DDX1: variants seen among roughly 807,000 people sequenced by gnomAD.
DDX1 encodes the protein DEAD-box helicase 1.
DDX1 carries 28 observed loss-of-function variants against 108.7 expected under a neutral mutation model. That is an observed-to-expected ratio of 0.26 (90% CI 0.19 to 0.35). DDX1 has a LOEUF of 0.35. Ranked by LOEUF, DDX1 falls within the 10% of genes least tolerant of loss-of-function variation. The probability of loss-of-function intolerance (pLI) is 1.00; values close to 1 mark genes in which losing one functional copy is unlikely to be tolerated. For synonymous variants in DDX1, 295 were observed against 288.9 expected, an observed-to-expected ratio of 1.02 and a Z score of -0.21; for missense variants, 710 against 884.5, an observed-to-expected ratio of 0.80 and a Z score of 2.50.
intron 6 of DDX1, 68 bp from the exon 7 acceptor site, chr2:15,602,480 G>A (rs1015632634): frequency 6.4e-6 from 7 of 1,095,226 alleles, no homozygotes; most frequent in Admixed American, 5.4e-5. Flanking sequence ...TTGGTGGTAG[G>A]GGGTGGGAAT....
At chr2:15,612,673 T>C (rs1665795770) in intron 13 of DDX1, among the ~76,000 whole-genome samples, 1 of 151,934 alleles carries the variant, frequency 6.6e-6, no homozygotes, top group Non-Finnish European at 1.5e-5. Flanking sequence ...AGGTGGAGGT[T>C]GTAGCGAGCC....
In DDX1 at chr2:15,591,899, A is replaced by AGCGAGCAG; in HGVS notation, c.-30_-23dup. On this transcript the variant is annotated 5_prime_UTR_variant, in exon 1 of 26. Transcript: ENST00000233084. ...ACGCCGTGTCAGTCGGGAGGGAGGG[A>AGCGAGCAG]GCGAGCAGGCGAAGCCGCGGAGGAC... 6.8e-7 allele frequency: 1 copy of AGCGAGCAG among 1,468,352 alleles called. No homozygotes were observed. The highest frequency in any genetic ancestry group is 9.0e-7 in the Non-Finnish European group (1 of 1,108,982). The allele number at this position is 1,468,352 out of a possible 1,614,324, so 91.0% of individuals were successfully genotyped here. A position where few individuals can be genotyped will look rare whatever the true frequency, so the allele number is the denominator to read the frequency against.
chr2:15,603,755 G>A lies in DDX1; in HGVS notation c.476-59G>A, dbSNP rs3815690. Reference sequence around the variant, plus strand: ...TATGTGAATAAAATTACTTCTTTTAGAGGTCTTTTAATTTTATATTTTCTC... The same window carrying A: ...TATGTGAATAAAATTACTTCTTTTAAAGGTCTTTTAATTTTATATTTTCTC... On this transcript the variant is annotated intron_variant, in intron 8 of 25. Transcript: ENST00000233084. 17,772 of 1,096,032 alleles carry A rather than the reference G, an allele frequency of 0.016. 1,051 individuals carry two copies. The East Asian group carries it at 0.21, about 13-fold the overall frequency. The allele number at this position is 1,096,032 out of a possible 1,614,324, so 67.9% of individuals were successfully genotyped here.
chr2:15,612,513 A>G (rs1408627283), intron 13 of DDX1, among the ~76,000 whole-genome samples: 3 of 147,818 alleles, frequency 2.0e-5, no homozygotes, highest in African/African-American at 7.6e-5. Flanking sequence ...GACGCTCCTC[A>G]CTTTCCAGAC....
chr2:15,627,437 T>G (rs1042962425), intron 20 of DDX1: 4 of 248,102 alleles, frequency 1.6e-5, no homozygotes, highest in African/African-American at 6.9e-5. Context: ...ATTGGATAGT[T>G]AAGCCATGTC....
rs1026795140 is a variant in DDX1, at chr2:15,628,376, A to G, written c.1687-69A>G. ...TTTAGAGGTCTCATTTAGTGGAAGGATAGCATTTGTTTTTATTGTTTAGTA... is the reference window on the plus strand; with the variant it reads ...TTTAGAGGTCTCATTTAGTGGAAGGGTAGCATTTGTTTTTATTGTTTAGTA... On this transcript the variant is annotated intron_variant, in intron 20 of 25. Coordinates refer to ENST00000233084, the MANE Select transcript of DDX1 (RefSeq NM_004939.3). 6.0e-6 allele frequency: 7 copies of G among 1,174,872 alleles called. No individual in the cohort carries two copies. In the African/African-American group the frequency reaches 1.1e-4, roughly 18 times the overall value. 72.8% of individuals were successfully genotyped at this position (1,174,872 alleles called of 1,614,324 possible).
chr2:15,595,314 T>G (rs1665480627), intron 2 of DDX1, 118 bp downstream of exon 2: 2 of 998,682 alleles, frequency 2.0e-6, no homozygotes, highest in Middle Eastern at 2.5e-4. Flanking sequence ...AGGTTTTTTT[T>G]GTGATTTTCT....
At chr2:15,615,913 G>A (rs1014088656) in intron 14 of DDX1, among the ~76,000 whole-genome samples, 2 of 151,924 alleles carry the variant, frequency 1.3e-5, no homozygotes, top group Non-Finnish European at 2.9e-5. Context: ...TATTTTTGGA[G>A]ATGGAGTCTC....
chr2:15,609,608 G>T (rs1182451473), intron 13 of DDX1, among the ~76,000 whole-genome samples: 1 of 152,176 alleles, frequency 6.6e-6, no homozygotes, highest in East Asian at 1.9e-4. Context: ...TAGTGCAGGG[G>T]TGGTTCTTTT....
At chr2:15,610,730 A>G (rs1045022890) in intron 13 of DDX1, among the ~76,000 whole-genome samples, 1 of 152,252 alleles carries the variant, frequency 6.6e-6, no homozygotes, top group Non-Finnish European at 1.5e-5. Flanking sequence ...CCTAATGTAG[A>G]AGAATATGTA....
At chr2:15,613,962 C>T (rs938322923) in intron 14 of DDX1, among the ~76,000 whole-genome samples, 1 of 151,388 alleles carries the variant, frequency 6.6e-6, no homozygotes, top group African/African-American at 2.4e-5. Flanking sequence ...TCAGCCTCCT[C>T]AGTAGCTGGG....
chr2:15,607,419 T>TG, intron 13 of DDX1, 106 bp downstream of exon 13: 1 of 906,698 alleles, frequency 1.1e-6, no homozygotes, highest in Non-Finnish European at 1.7e-6. Flanking sequence ...TGTGTATACA[T>TG]AATACACGTG....
rs1665604300 is a variant in DDX1 at position 15,602,597 on chromosome 2, G to C, written c.357G>C (p.Trp119Cys). The C allele has an allele frequency of 6.2e-7, 1 of 1,613,514 alleles. No individual in the cohort carries two copies. Among genetic ancestry groups the C allele is most frequent in the Non-Finnish European group, 8.5e-7 (1 of 1,179,528 alleles). The change falls in exon 7 of 26, where the codon TGG becomes TGC. Residue 119 changes from tryptophan to cysteine, a missense_variant. This residue lies in a region of DDX1 where 661 missense variants were observed against 810.2 expected (regional missense o/e 0.82). Transcript: ENST00000233084. ...LCCQSREVKE[W>C]HGCRATKGLM... Reference sequence around the variant, plus strand: ...GTCAAAGCAGAGAAGTAAAGGAATGGCATGGGTGTAGAGCTACTAAAGGAT... The same window carrying C: ...GTCAAAGCAGAGAAGTAAAGGAATGCCATGGGTGTAGAGCTACTAAAGGAT...
chr2:15,621,340 C>T (rs1666003290), intron 18 of DDX1: 1 of 456,792 alleles, frequency 2.2e-6, no homozygotes, highest in South Asian at 2.7e-5. Context: ...GAGTCATGTT[C>T]TTGTCACCCA....
chr2:15,627,185 G>A, intron 20 of DDX1, 40 bp downstream of exon 20: 1 of 1,143,066 alleles, frequency 8.7e-7, no homozygotes, highest in Non-Finnish European at 1.3e-6. Context: ...ATACTTAAGA[G>A]GGGCATTATA....
At chr2:15,629,006 A>C (rs774614067) in intron 23 of DDX1, among the ~76,000 whole-genome samples, 167 bp downstream of exon 23, 1 of 152,204 alleles carries the variant, frequency 6.6e-6, no homozygotes, top group Non-Finnish European at 1.5e-5. Context: ...TGGACAAATA[A>C]TAGGGTGAAA....
chr2:15,609,494 C>G (rs1665719999), intron 13 of DDX1, among the ~76,000 whole-genome samples: 1 of 152,290 alleles, frequency 6.6e-6, no homozygotes, highest in Middle Eastern at 3.4e-3. Flanking sequence ...CTTTTCCTTA[C>G]TTTTTAATTT....
Position 15,607,317 on chromosome 2 carries a change from A to G in DDX1, c.956+4A>G. 6.2e-7 allele frequency: 1 copy of G among 1,612,206 alleles called. No individual in the cohort carries two copies. Among genetic ancestry groups the G allele is most frequent in the Non-Finnish European group, 8.5e-7 (1 of 1,178,682 alleles). ...ACATTGATAATCCTAAATTAAGGTA[A>G]ATCTTCCTTTTGTGCTGAAATGCTT... On this transcript the variant is annotated splice_donor_region_variant and intron_variant, in intron 13 of 25. Coordinates refer to ENST00000233084, the MANE Select transcript of DDX1 (RefSeq NM_004939.3).
chr2:15,618,498 G>A (rs1665937470), intron 16 of DDX1, among the ~76,000 whole-genome samples: 1 of 152,218 alleles, frequency 6.6e-6, no homozygotes, highest in Non-Finnish European at 1.5e-5. Flanking sequence ...GGAGTGGTGA[G>A]GCGTGTATGA....
Sources: gnomAD v4.1 joint callset for allele counts (sites outside exome capture counted in the v4.1 genomes callset) on GRCh38, gnomAD v4.1.1 for gene constraint, gnomAD v4.1.1 regional missense constraint, MANE v1.5 for transcripts, NCBI Gene and HGNC (gene_info 2026-07-23, HGNC 2026-07-21) for gene names.